Variants in KAT2B observed in about 807,000 individuals in gnomAD.
The protein encoded by KAT2B is histone acetyltransferase KAT2B.
Under a neutral mutation model 105.9 loss-of-function variants are expected in KAT2B, and 36 were observed. That is an observed-to-expected ratio of 0.34 (90% CI 0.26 to 0.45). The LOEUF (loss-of-function observed/expected upper bound fraction) is 0.45, where lower values mean the gene tolerates loss of function less well. Ranked by LOEUF, KAT2B falls within the 20% of genes least tolerant of loss-of-function variation. KAT2B has a pLI of 1.00. For synonymous variants in KAT2B, 397 were observed against 377.9 expected, an observed-to-expected ratio of 1.05 and a Z score of -0.59; for missense variants, 820 against 1,021.6, an observed-to-expected ratio of 0.80 and a Z score of 2.69.
At chr3:20,116,303 T>C (rs542450907) in intron 7 of KAT2B, among the ~76,000 whole-genome samples, 57 of 152,190 alleles carry the variant, frequency 3.7e-4, no homozygotes, top group Non-Finnish European at 6.6e-4. Flanking sequence ...AACTTTCAAA[T>C]GGCATTTCTT....
At chr3:20,140,615 C>T (rs531699858) in intron 13 of KAT2B, among the ~76,000 whole-genome samples, 12 of 152,092 alleles carry the variant, frequency 7.9e-5, no homozygotes, top group Admixed American at 4.6e-4. Flanking sequence ...CTCAGCCTCC[C>T]GAGTAGCTAA....
At position 20,114,412 on chromosome 3, in the gene KAT2B, C is replaced by G. The variant is rs1278621305; in HGVS notation, c.1044-470C>G. On this transcript the variant is annotated intron_variant, in intron 6 of 17. Coordinates refer to ENST00000263754, the MANE Select transcript of KAT2B (RefSeq NM_003884.5). Reference sequence around the variant, plus strand: ...AACACTGCCTATCATGTAGTAAGAGCTATATATGTGCGTGACAAATAAAAA... The same window carrying G: ...AACACTGCCTATCATGTAGTAAGAGGTATATATGTGCGTGACAAATAAAAA... Among the ~76,000 whole-genome samples, 2 of 152,112 alleles carry G rather than the reference C, an allele frequency of 1.3e-5. 1 individual carries two copies. Among genetic ancestry groups the G allele is most frequent in the Non-Finnish European group, 2.9e-5 (2 of 68,024 alleles).
At chr3:20,142,147 G>A (rs947352180) in intron 13 of KAT2B, among the ~76,000 whole-genome samples, 4 of 152,138 alleles carry the variant, frequency 2.6e-5, no homozygotes, top group African/African-American at 9.7e-5. Context: ...TACATGATCT[G>A]TTGGCCCTTC....
intron 9 of KAT2B, among the ~76,000 whole-genome samples, chr3:20,125,104 C>T (rs1263927710): frequency 2.6e-5 from 4 of 152,046 alleles, no homozygotes; most frequent in Non-Finnish European, 5.9e-5. Flanking sequence ...GGGCAGATCA[C>T]GAGGTCAGGA....
At chr3:20,050,344 C>T (rs900395517) in intron 1 of KAT2B, among the ~76,000 whole-genome samples, 3 of 151,908 alleles carry the variant, frequency 2.0e-5, no homozygotes, top group African/African-American at 4.8e-5. Flanking sequence ...ATGTTTATAG[C>T]GCAATTAATT....
At position 20,107,573 on chromosome 3, in the gene KAT2B, G is replaced by A. The variant is rs1575138014; in HGVS notation, c.852-4023G>A. On this transcript the variant is annotated intron_variant, in intron 5 of 17. Coordinates refer to ENST00000263754, the MANE Select transcript of KAT2B (RefSeq NM_003884.5). ...CTTGGGAGGCTGGGGCAGGAGAGTT[G>A]CTTGAATGGGGAGGTGGAAGTTGCA... Among the ~76,000 whole-genome samples, 4 of 148,880 alleles carry A rather than the reference G, an allele frequency of 2.7e-5. No individual in the cohort carries two copies. In the East Asian group the frequency reaches 8.4e-4, roughly 31 times the overall value.
At chr3:20,085,788 G>A (rs1189752057) in intron 2 of KAT2B, among the ~76,000 whole-genome samples, 1 of 152,082 alleles carries the variant, frequency 6.6e-6, no homozygotes, top group Non-Finnish European at 1.5e-5. Flanking sequence ...TGGGATTACA[G>A]GCATGAGCCA....
intron 3 of KAT2B, among the ~76,000 whole-genome samples, chr3:20,098,234 T>TA (rs11403508): frequency 0.41 from 58,309 of 143,106 alleles, 11,872 homozygotes; most frequent in East Asian, 0.64. Context: ...CGTCCCAAAT[T>TA]AAAAAAAAAA....
At chr3:20,067,700 G>A (rs1399439528) in intron 1 of KAT2B, among the ~76,000 whole-genome samples, 6 of 151,914 alleles carry the variant, frequency 3.9e-5, no homozygotes, top group Non-Finnish European at 8.8e-5. Context: ...TCTGAGACAG[G>A]GTCTCACTCT....
At chr3:20,151,768 T>C (rs112636950) in intron 17 of KAT2B, among the ~76,000 whole-genome samples, 2,676 of 152,308 alleles carry the variant, frequency 0.018, 24 homozygotes, top group Non-Finnish European at 0.026. Flanking sequence ...TGAAGTTTGT[T>C]ATTCTTATTT....
intron 1 of KAT2B, among the ~76,000 whole-genome samples, chr3:20,042,080 C>T (rs769965806): frequency 6.6e-6 from 1 of 152,128 alleles, no homozygotes; most frequent in African/African-American, 2.4e-5. Context: ...GCATGGGAAT[C>T]TCCTGGGGAA....
intron 10 of KAT2B, 104 bp downstream of exon 10, chr3:20,126,217 C>T (rs1176566199): frequency 1.1e-6 from 1 of 906,790 alleles, no homozygotes; most frequent in African/African-American, 1.7e-5. Context: ...AATACTACTG[C>T]ACCTGTCTTG....
At chr3:20,093,730 G>A (rs945768540) in intron 2 of KAT2B, among the ~76,000 whole-genome samples, 7 of 152,236 alleles carry the variant, frequency 4.6e-5, no homozygotes, top group Admixed American at 6.5e-5. Context: ...ATCATTTCAA[G>A]CACTTTAATC....
intron 2 of KAT2B, among the ~76,000 whole-genome samples, chr3:20,086,516 G>A (rs968471394): frequency 6.6e-6 from 1 of 151,926 alleles, no homozygotes; most frequent in African/African-American, 2.4e-5. Flanking sequence ...TCAGAGGATC[G>A]CTTAAGCTCA....
chr3:20,121,784 A>G (rs182280716), intron 8 of KAT2B, among the ~76,000 whole-genome samples: 2,986 of 129,244 alleles, frequency 0.023, 65 homozygotes, highest in Middle Eastern at 0.029. Context: ...GTGTGTGTGT[A>G]TAGCCAAGCC....
chr3:20,093,962 A>G (rs1698766098), intron 2 of KAT2B, among the ~76,000 whole-genome samples: 1 of 152,188 alleles, frequency 6.6e-6, no homozygotes. Flanking sequence ...TGAATCATTT[A>G]GTCAACAAAA....
intron 13 of KAT2B, 23 bp from the exon 14 acceptor site, chr3:20,146,293 C>A: frequency 7.4e-7 from 1 of 1,358,534 alleles, no homozygotes; most frequent in Non-Finnish European, 1.1e-6. Context: ...TCCCTAAACA[C>A]ATTTCCTTCC....
chr3:20,067,573 G>T (rs929003153), intron 1 of KAT2B, among the ~76,000 whole-genome samples: 1 of 152,182 alleles, frequency 6.6e-6, no homozygotes, highest in Non-Finnish European at 1.5e-5. Context: ...TTTAAAGCTT[G>T]TTACTTGTTA....
At chr3:20,094,682 C>T (rs758645542) in intron 2 of KAT2B, among the ~76,000 whole-genome samples, 12 of 152,040 alleles carry the variant, frequency 7.9e-5, no homozygotes, top group Non-Finnish European at 1.8e-4. Context: ...GAATGTCAAG[C>T]TAAAATAGGC....
Sources: allele counts gnomAD v4.1 joint callset (sites outside exome capture counted in the v4.1 genomes callset), GRCh38; gene constraint gnomAD v4.1.1; transcripts MANE v1.5; gene names NCBI Gene and HGNC (gene_info 2026-07-23, HGNC 2026-07-21).